Variants in MYBBP1A observed in about 807,000 individuals in gnomAD.
MYBBP1A encodes MYB binding protein 1a, also known as myb-binding protein 1A.
MYBBP1A carries 147 observed loss-of-function variants against 136.3 expected under a neutral mutation model. That is an observed-to-expected ratio of 1.08 (90% CI 0.94 to 1.24). MYBBP1A has a LOEUF of 1.24. Ranked by LOEUF, MYBBP1A falls within the 50% of genes most tolerant of loss-of-function variation. MYBBP1A has a pLI of 0.00. For missense variants in MYBBP1A, 2,060 were observed against 1,727.4 expected (o/e 1.19, Z -3.41); for synonymous variants, 947 against 735.8 (o/e 1.29, Z -4.65).
At position 4,541,866 on chromosome 17, in the gene MYBBP1A, A is replaced by G. The variant is rs747648444; in HGVS notation, c.3113T>C (p.Leu1038Pro). Residue 1038 changes from leucine (L) to proline (P), a missense_variant, in exon 23 of 26, where the codon CTG becomes CCG. Transcript: ENST00000254718. ...GCACGACCTCACCTCCCGCATGGAC[A>G]GGGTCTTCTGGAGCAGCAGGCAGGC... is the stretch of plus-strand genomic sequence containing the variant. ...HQACLLLQKT[L>P]SMREVRSCFE... 1.2e-6 allele frequency: 2 copies of G among 1,613,908 alleles called. No individual in the cohort carries two copies. Among genetic ancestry groups the G allele is most frequent in the Non-Finnish European group, 1.7e-6 (2 of 1,179,984 alleles).
chr17:4,540,236 G>A (rs2037630527), intron 25 of MYBBP1A, 112 bp downstream of exon 25: 5 of 1,360,164 alleles, frequency 3.7e-6, no homozygotes, highest in Middle Eastern at 1.9e-4. Context: ...GCAGCAGCAT[G>A]CGTGTGCAGT....
chr17:4,544,346 C>A (rs1216491828), intron 19 of MYBBP1A, 143 bp downstream of exon 19: 1 of 1,076,074 alleles, frequency 9.3e-7, no homozygotes, highest in Non-Finnish European at 1.3e-6. Context: ...GCCTCTAGGG[C>A]TGAGCAGTGA....
rs761217005 is a variant in MYBBP1A, at chr17:4,539,925, A to T, written c.3477T>A (p.Ser1159Arg). The change falls in exon 26 of 26, where the codon AGT becomes AGA. Residue 1159 changes from serine (S) to arginine (R), a missense_variant. Ser to Arg is a moderately radical substitution (Grantham distance 110). Coordinates refer to ENST00000254718, the MANE Select transcript of MYBBP1A (RefSeq NM_014520.4). The stretch of plus-strand genomic sequence containing the variant: ...TCTTACTGATGGGGCTCTGGGTGGC[A>T]CTGGGGATCTCCTTGGCATCCTTCT... ...LEKKDAKEIPSATQSPISKKR... is the reference protein window; with the variant it reads ...LEKKDAKEIPRATQSPISKKR... 1 of 1,599,570 alleles carries T rather than the reference A, an allele frequency of 6.3e-7. No individual in the cohort carries two copies. Among genetic ancestry groups the T allele is most frequent in the South Asian group, 1.1e-5 (1 of 91,056 alleles).
In MYBBP1A at chr17:4,549,214, C is replaced by G. The variant is rs141173826; in HGVS notation, c.1430+118G>C. ...CCCAAGTCCCCTTGTGCCTGCCCCC[C>G]ACTGATGACTCAACCCAAAGGCTTC... On this transcript the variant is annotated intron_variant, in intron 10 of 25. Transcript: ENST00000254718. 3,340 of 807,118 alleles carry G rather than the reference C, an allele frequency of 4.1e-3. 17 individuals are homozygous for G. The highest frequency in any genetic ancestry group is 5.1e-3 in the Non-Finnish European group (2,599 of 514,090). The allele number at this position is 807,118 out of a possible 1,614,324, so 50.0% of individuals were successfully genotyped here.
In MYBBP1A at chr17:4,548,249, G is replaced by A; in HGVS notation, c.1618C>T (p.Pro540Ser). ...QAPGQTQGGQ[P>S]WTYHLVQFAD... ...AACTGCACCAGGTGGTAGGTCCAGG[G>A]CTGCCCACCCTGGGTCTGGCCCGGT... The change falls in exon 12 of 26, where the codon CCC becomes TCC. Residue 540 changes from proline to serine, a missense_variant. Transcript: ENST00000254718. This position sits in a 1 kb window ranked among gnomAD's most constrained non-coding sequence, Gnocchi z 4.2. 13 of 1,611,976 alleles carry A rather than the reference G, an allele frequency of 8.1e-6. No homozygotes were observed. The highest frequency in any genetic ancestry group is 6.6e-5 in the South Asian group (6 of 91,082).
Position 4,539,593 on chromosome 17 carries a change from T to A in MYBBP1A, c.3809A>T (p.Glu1270Val). The change falls in exon 26 of 26, where the codon GAA (glutamate) becomes GTA (valine). Residue 1270 changes from glutamate (E) to valine (V), a missense_variant. Transcript: ENST00000254718. ...QVNGAPGSPT[E>V]PAGQKQHQKA... ...CTGATGCTGCTTTTGGCCTGCAGGT[T>A]CCGTGGGGGACCCGGGAGCTCCATT... 6.2e-7 allele frequency: 1 copy of A among 1,614,122 alleles called. No individual in the cohort carries two copies. The highest frequency in any genetic ancestry group is 8.5e-7 in the Non-Finnish European group (1 of 1,180,020).
intron 13 of MYBBP1A, among the ~76,000 whole-genome samples, chr17:4,547,407 C>A (rs1182017012): frequency 6.6e-6 from 1 of 152,198 alleles, no homozygotes; most frequent in Non-Finnish European, 1.5e-5. Flanking sequence ...CATCCACATG[C>A]TGGGCTCAGA....
chr17:4,552,398 C>T lies in MYBBP1A; in HGVS notation c.737+53G>A. 4.4e-6 allele frequency: 7 copies of T among 1,604,812 alleles called. No homozygotes were observed. Among genetic ancestry groups the T allele is most frequent in the Non-Finnish European group, 6.0e-6 (7 of 1,176,078 alleles). ...GCCAAACGACAAATCTGGGCCTGGC[C>T]AGATGCAGTCCCTTGGCCCCAGGGA... is the stretch of plus-strand genomic sequence containing the variant. On this transcript the variant is annotated intron_variant, in intron 6 of 25. Transcript: ENST00000254718. The surrounding 1 kb of genome is among the most constrained non-coding windows in gnomAD (Gnocchi z 4.7).
chr17:4,544,842 A>T lies in MYBBP1A; in HGVS notation c.2390T>A (p.Phe797Tyr). 6.2e-7 allele frequency: 1 copy of T among 1,607,866 alleles called. No individual in the cohort carries two copies. Among genetic ancestry groups the T allele is most frequent in the Non-Finnish European group, 8.5e-7 (1 of 1,177,734 alleles). The change falls in exon 18 of 26, where the codon TTT (phenylalanine) becomes TAT (tyrosine). Residue 797 changes from phenylalanine to tyrosine, a missense_variant. Coordinates refer to ENST00000254718, the MANE Select transcript of MYBBP1A (RefSeq NM_014520.4). ...CTGGATACGCAGCTTCTGCTCGGCA[A>T]AGAGGCTGGCGAGGCTCTGGTCCAG... ...MALDQSLASLFAEQKLRIQAR... is the reference protein window; with the variant it reads ...MALDQSLASLYAEQKLRIQAR...
At chr17:4,544,989 C>CT in intron 17 of MYBBP1A, 37 bp downstream of exon 17, 3 of 1,436,530 alleles carry the variant, frequency 2.1e-6, no homozygotes, top group Admixed American at 2.2e-5. Flanking sequence ...CACCCGAGCC[C>CT]TCCCCGGCCG....
chr17:4,538,919 T>C lies in MYBBP1A; in HGVS notation c.*496A>G, dbSNP rs1263899301. 1 of 782,168 alleles carries C rather than the reference T, an allele frequency of 1.3e-6. No individual in the cohort carries two copies. The highest frequency in any genetic ancestry group is 2.4e-6 in the Non-Finnish European group (1 of 419,236). The allele number at this position is 782,168 out of a possible 1,614,324, so 48.5% of individuals were successfully genotyped here. On this transcript the variant is annotated 3_prime_UTR_variant, in exon 26 of 26. Coordinates refer to ENST00000254718, the MANE Select transcript of MYBBP1A (RefSeq NM_014520.4). ...GGTCCGAGTGTTGCCTCCTCTTCCT[T>C]CCGGAAGCCAAACTGCTCCTTTATT... is the stretch of plus-strand genomic sequence containing the variant.
At chr17:4,550,477 ACAGCCCAC>A (rs2144491765) in intron 8 of MYBBP1A, 124 bp from the exon 9 acceptor site, 3 of 1,069,380 alleles carry the variant, frequency 2.8e-6, no homozygotes, top group East Asian at 4.7e-5. Context: ...CAGGCGGGCA[ACAGCCCAC>A]CAGGCTTGTG....
rs1220952741 is a variant in MYBBP1A at position 4,542,461 on chromosome 17, C to T, written c.3087+3G>A. 26 of 1,605,904 alleles carry T rather than the reference C, an allele frequency of 1.6e-5. No individual in the cohort carries two copies. Among genetic ancestry groups the T allele is most frequent in the Non-Finnish European group, 2.2e-5 (26 of 1,175,188 alleles). ...CTGGGCTGGGAGCTGGGAAGTCTCT[C>T]ACCTGATGACGGGGCCGCACCGGGC... is the stretch of plus-strand genomic sequence containing the variant. On this transcript the variant is annotated splice_donor_region_variant and intron_variant, in intron 22 of 25. Transcript: ENST00000254718.
In MYBBP1A at chr17:4,552,028, G is replaced by C. The variant is rs1333236203; in HGVS notation, c.906-31C>G. On this transcript the variant is annotated intron_variant, in intron 7 of 25. Transcript: ENST00000254718. The surrounding 1 kb of genome is among the most constrained non-coding windows in gnomAD (Gnocchi z 4.7). ...GGGGGTGCAGGACAGAGCCTGGTCAGAGCCCTTGGTGCCCCTGGTGGGAAC... is the reference window on the plus strand; with the variant it reads ...GGGGGTGCAGGACAGAGCCTGGTCACAGCCCTTGGTGCCCCTGGTGGGAAC... The C allele has an allele frequency of 6.3e-7, 1 of 1,597,564 alleles. No individual in the cohort carries two copies. Among genetic ancestry groups the C allele is most frequent in the South Asian group, 1.1e-5 (1 of 89,104 alleles).
chr17:4,548,021 G>A lies in MYBBP1A; in HGVS notation c.1761C>T (p.Ser587=), dbSNP rs73335867. 9.9e-3 allele frequency: 15,335 copies of A among 1,551,178 alleles called. 1,334 individuals carry two copies. The African/African-American group carries it at 0.18, about 19-fold the overall frequency. The stretch of plus-strand genomic sequence containing the variant: ...GGAAGGCAGCAGCCCTGGCCTCTGC[G>A]GAGTGGGCCTCCAGCTCCTTCAGAG... ...LQTLKELEAH[S]AEARAAAFQH... is the part of the protein sequence containing the mutation. The change falls in exon 13 of 26, where the codon TCC becomes TCT. Residue 587 remains serine (S), a synonymous_variant. Transcript: ENST00000254718. The surrounding 1 kb of genome is among the most constrained non-coding windows in gnomAD (Gnocchi z 4.2).
chr17:4,538,960 T>C lies in MYBBP1A; in HGVS notation c.*455A>G, dbSNP rs575879715. ...CTCCTTTATTTTTTAGAGCTGCTGA[T>C]TGTGAATCTCAGAGTCTTAAGAGAG... On this transcript the variant is annotated 3_prime_UTR_variant, in exon 26 of 26. Transcript: ENST00000254718. The C allele has an allele frequency of 2.5e-5, 20 of 786,830 alleles. No individual in the cohort carries two copies. The African/African-American group carries it at 2.9e-4, about 11-fold the overall frequency. 48.7% of individuals were successfully genotyped at this position (786,830 alleles called of 1,614,324 possible).
Position 4,542,894 on chromosome 17 carries a change from T to TGGGCC in MYBBP1A, c.2892+14_2892+18dup, listed in dbSNP as rs1344773628. On this transcript the variant is annotated intron_variant, in intron 20 of 25. Coordinates refer to ENST00000254718, the MANE Select transcript of MYBBP1A (RefSeq NM_014520.4). The stretch of plus-strand genomic sequence containing the variant: ...GCTGTGAAATGCCTGGGGCTGCTCC[T>TGGGCC]GGGCCAGGCCCTGCTCACCTGCGGG... 4 of 1,612,880 alleles carry TGGGCC rather than the reference T, an allele frequency of 2.5e-6. No individual in the cohort carries two copies. Among genetic ancestry groups the TGGGCC allele is most frequent in the Admixed American group, 1.7e-5 (1 of 60,006 alleles).
At chr17:4,543,891 CCA>C (rs1555540443) in intron 19 of MYBBP1A, among the ~76,000 whole-genome samples, 7 of 152,016 alleles carry the variant, frequency 4.6e-5, no homozygotes, top group African/African-American at 1.5e-4. Flanking sequence ...AGACCCTTCC[CCA>C]CGCCACTGCT....
intron 9 of MYBBP1A, among the ~76,000 whole-genome samples, chr17:4,549,785 CAAAAAAAAAAAAAA>C (rs60360356): frequency 1.5e-5 from 1 of 65,404 alleles, no homozygotes; most frequent in Admixed American, 1.8e-4. Flanking sequence ...GAGACTCTGT[CAAAAAAAAAAAAAA>C]AAAAAAAAAA....
Sources: gnomAD v4.1 joint callset for allele counts (sites outside exome capture counted in the v4.1 genomes callset) on GRCh38, gnomAD v4.1.1 for gene constraint, Gnocchi (gnomAD v3.1) non-coding constraint, MANE v1.5 for transcripts, NCBI Gene and HGNC (gene_info 2026-07-23, HGNC 2026-07-21) for gene names.